Variants in PLEKHA4 observed in about 807,000 individuals in gnomAD.
The protein encoded by PLEKHA4 is pleckstrin homology domain containing A4, also known as pleckstrin homology domain-containing family A member 4.
In PLEKHA4, 73 loss-of-function variants were observed where a neutral mutation model predicts 94.7. The ratio of observed to expected loss-of-function variants is 0.77; its 90% confidence interval spans 0.64 to 0.94. The LOEUF is 0.94. Among genes scored for constraint, PLEKHA4 ranks in the 40% least tolerant of loss-of-function variants. The pLI is 0.00. For missense variants in PLEKHA4, 1,049 were observed against 1,054.1 expected, an observed-to-expected ratio of 1.00 and a Z score of 0.07; for synonymous variants, 449 against 437.1, an observed-to-expected ratio of 1.03 and a Z score of -0.34.
Position 48,842,990 on chromosome 19 carries a change from G to A in PLEKHA4, c.1744-1680C>T, listed in dbSNP as rs542323672. Among the ~76,000 whole-genome samples the A allele has an allele frequency of 1.5e-4, 23 of 152,254 alleles. No homozygotes were observed. In the East Asian group the frequency reaches 4.2e-3, roughly 28 times the overall value. ...TGGCAGCCCCTGAAACCACCCGGTT[G>A]GGGTGAGGGAGGAGCATGTCCCAAG... On this transcript the variant is annotated intron_variant, in intron 16 of 19. Transcript: ENST00000263265.
chr19:48,861,780 G>C, intron 3 of PLEKHA4, 88 bp from the exon 4 acceptor site: 6 of 1,208,950 alleles, frequency 5.0e-6, no homozygotes, highest in Non-Finnish European at 7.2e-6. Flanking sequence ...GAGAGCCAGA[G>C]AGAGAAAGAA....
intron 6 of PLEKHA4, 199 bp downstream of exon 6, chr19:48,860,151 G>A: frequency 6.7e-6 from 4 of 595,412 alleles, no homozygotes; most frequent in Non-Finnish European, 1.2e-5. Flanking sequence ...GACGGACAAG[G>A]TGGTGGGCGG....
chr19:48,853,645 G>GCCTC (rs1482600570), intron 12 of PLEKHA4, 37 bp downstream of exon 12: 1 of 1,475,880 alleles, frequency 6.8e-7, no homozygotes, highest in East Asian at 2.5e-5. Context: ...TAGTCCTGGG[G>GCCTC]CCTCCTAGGA....
intron 16 of PLEKHA4, among the ~76,000 whole-genome samples, chr19:48,842,366 G>T (rs1210208416): frequency 1.3e-5 from 2 of 151,928 alleles, no homozygotes; most frequent in Non-Finnish European, 1.5e-5. Context: ...GGCCAGGCTG[G>T]TCTTGAACTC....
Position 48,861,428 on chromosome 19 carries a change from G to A in PLEKHA4, c.339C>T (p.Ala113=). The stretch of plus-strand genomic sequence containing the variant: ...TGAAGGTGAAGCGCCGCCCTCGGGG[G>A]GCTCCCGGCCCATCTGGTCTAATAT... ...SYNIRPDGPG[A]PRGRRFTFTA... Residue 113 remains alanine, a synonymous_variant, in exon 5 of 20, where the codon GCC becomes GCT. Coordinates refer to ENST00000263265, the MANE Select transcript of PLEKHA4 (RefSeq NM_020904.3). 6.2e-7 allele frequency: 1 copy of A among 1,613,908 alleles called. No homozygotes were observed. Among genetic ancestry groups the A allele is most frequent in the Non-Finnish European group, 8.5e-7 (1 of 1,180,028 alleles).
At chr19:48,843,933 C>T (rs969196750) in intron 16 of PLEKHA4, among the ~76,000 whole-genome samples, 2 of 151,774 alleles carry the variant, frequency 1.3e-5, no homozygotes, top group African/African-American at 4.8e-5. Context: ...GCTGGGATTA[C>T]AGGTGTGAGC....
intron 6 of PLEKHA4, 101 bp from the exon 7 acceptor site, chr19:48,859,785 A>T: frequency 9.3e-7 from 1 of 1,069,934 alleles, no homozygotes; most frequent in Non-Finnish European, 1.4e-6. Context: ...AAAAAAGGAA[A>T]GTTGTGCACT....
rs1289385204 is a variant in PLEKHA4 at position 48,852,295 on chromosome 19, C to A, written c.1358G>T (p.Gly453Val). ...TAAGGTGCCCAGCTCCTGCTCCAGGCCACTGTACGTGTCCCAAACCCTCTC... is the reference window on the plus strand; with the variant it reads ...TAAGGTGCCCAGCTCCTGCTCCAGGACACTGTACGTGTCCCAAACCCTCTC... ...ERERVWDTYS[G>V]LEQELGTLRE... The change falls in exon 13 of 20, where the codon GGC (glycine) becomes GTC (valine). Residue 453 changes from glycine to valine, a missense_variant. Coordinates refer to ENST00000263265, the MANE Select transcript of PLEKHA4 (RefSeq NM_020904.3). 6.2e-7 allele frequency: 1 copy of A among 1,614,086 alleles called. No individual in the cohort carries two copies. Among genetic ancestry groups the A allele is most frequent in the Admixed American group, 1.7e-5 (1 of 59,990 alleles).
chr19:48,866,885 C>G (rs1000371263), intron 2 of PLEKHA4, among the ~76,000 whole-genome samples: 1 of 152,152 alleles, frequency 6.6e-6, no homozygotes, highest in African/African-American at 2.4e-5. Flanking sequence ...GAGGAAGCCT[C>G]AAATCCCTCC....
Position 48,845,514 on chromosome 19 carries a change from C to T in PLEKHA4, c.1666+3G>A, listed in dbSNP as rs199687390. On this transcript the variant is annotated splice_donor_region_variant and intron_variant, in intron 15 of 19. Transcript: ENST00000263265. The stretch of plus-strand genomic sequence containing the variant: ...TAAAGTCCCACCCAACCAGGATGCT[C>T]ACCTAAGTGAGGGCTGGCGAGGTCT... The T allele has an allele frequency of 3.1e-6, 5 of 1,612,676 alleles. No homozygotes were observed. Among genetic ancestry groups the T allele is most frequent in the Middle Eastern group, 3.3e-4 (2 of 6,078 alleles).
chr19:48,841,363 C>T, intron 16 of PLEKHA4, 53 bp from the exon 17 acceptor site: 2 of 1,524,450 alleles, frequency 1.3e-6, no homozygotes, highest in Middle Eastern at 2.3e-4. Context: ...GGCACAGTGG[C>T]TCGTGTAATC....
rs2123205397 is a variant in PLEKHA4 at position 48,867,154 on chromosome 19, A to C, written c.84+383T>G. ...GCCCCTTGGGTCTTATTGTCAGAGA[A>C]GGGTCTCTCCTTATAGGATTTCATT... On this transcript the variant is annotated intron_variant, in intron 2 of 19. Coordinates refer to ENST00000263265, the MANE Select transcript of PLEKHA4 (RefSeq NM_020904.3). The surrounding 1 kb of genome is among the most constrained non-coding windows in gnomAD (Gnocchi z 4.7). Among the ~76,000 whole-genome samples the C allele has an allele frequency of 6.6e-6, 1 of 152,230 alleles. No homozygotes were observed. Among genetic ancestry groups the C allele is most frequent in the African/African-American group, 2.4e-5 (1 of 41,540 alleles).
chr19:48,837,306 G>T lies in PLEKHA4; in HGVS notation c.2323C>A (p.Leu775Ile), dbSNP rs759722349. 1 of 1,613,892 alleles carries T rather than the reference G, an allele frequency of 6.2e-7. No homozygotes were observed. Among genetic ancestry groups the T allele is most frequent in the Non-Finnish European group, 8.5e-7 (1 of 1,180,036 alleles). The change falls in exon 20 of 20, where the codon CTA becomes ATA. Residue 775 changes from leucine to isoleucine, a missense_variant. Coordinates refer to ENST00000263265, the MANE Select transcript of PLEKHA4 (RefSeq NM_020904.3). The surrounding 1 kb of genome is among the most constrained non-coding windows in gnomAD (Gnocchi z 4.3). ...EGAWPLRVTLLQSSF is the reference protein window; with the variant it reads ...EGAWPLRVTLIQSSF ...TGGGCGGATTAGAAGCTGGATTGTA[G>T]CAGAGTGACTCGCAGAGGCCATGCC... is the stretch of plus-strand genomic sequence containing the variant.
At chr19:48,863,859 A>G (rs1165230552) in intron 3 of PLEKHA4, among the ~76,000 whole-genome samples, 1 of 152,220 alleles carries the variant, frequency 6.6e-6, no homozygotes, top group African/African-American at 2.4e-5. Context: ...GGCGTCAGCC[A>G]TCGTGCCCAG....
Position 48,860,425 on chromosome 19 carries a change from GC to G in PLEKHA4, c.400del (p.Ala134ProfsTer5). 6.2e-7 allele frequency: 1 copy of G among 1,614,100 alleles called. No homozygotes were observed. On this transcript the variant is annotated frameshift_variant, in exon 6 of 20. Coordinates refer to ENST00000263265, the MANE Select transcript of PLEKHA4 (RefSeq NM_020904.3). LOFTEE classifies it high-confidence loss of function. ...CCGCAGGTCTTCTAAGGTGTCAGCG[GC>G]CAAAACGTAGGTCCTCATGCCCGGG... is the stretch of plus-strand genomic sequence containing the variant. ...EHPGMRTYVL[A>X]ADTLEDLRGW...
chr19:48,849,395 G>C (rs764822532), intron 13 of PLEKHA4, among the ~76,000 whole-genome samples: 21 of 151,556 alleles, frequency 1.4e-4, no homozygotes, highest in Non-Finnish European at 5.9e-5. Flanking sequence ...TGCAACCTCC[G>C]CCTCCCGGGT....
In PLEKHA4 at chr19:48,845,354, T is replaced by C. The variant is rs753286502; in HGVS notation, c.1743+16A>G. ...ATGGTCAGATGCAAGGATTACAGGATGGACCTACAGCTTACCTTGGTTCCT... is the reference window on the plus strand; with the variant it reads ...ATGGTCAGATGCAAGGATTACAGGACGGACCTACAGCTTACCTTGGTTCCT... On this transcript the variant is annotated intron_variant, in intron 16 of 19. Coordinates refer to ENST00000263265, the MANE Select transcript of PLEKHA4 (RefSeq NM_020904.3). 2.7e-5 allele frequency: 43 copies of C among 1,610,224 alleles called. No homozygotes were observed. The highest frequency in any genetic ancestry group is 6.7e-5 in the African/African-American group (5 of 74,830).
intron 6 of PLEKHA4, chr19:48,860,090 A>C (rs993365678): frequency 3.5e-6 from 2 of 576,166 alleles, no homozygotes; most frequent in Admixed American, 3.1e-5. Context: ...AATATTGATC[A>C]TTCCTGGAGC....
rs1291766450 is a variant in PLEKHA4, at chr19:48,860,343, T to A, written c.476+7A>T. 6.2e-7 allele frequency: 1 copy of A among 1,610,576 alleles called. No homozygotes were observed. Among genetic ancestry groups the A allele is most frequent in the African/African-American group, 1.3e-5 (1 of 74,962 alleles). On this transcript the variant is annotated splice_region_variant and intron_variant, in intron 6 of 19. Coordinates refer to ENST00000263265, the MANE Select transcript of PLEKHA4 (RefSeq NM_020904.3). Reference sequence around the variant, plus strand: ...GGGTCAGGAGCATGGCTTGGACCTCTACTCACTAGTCGTCCCCCTCCGCAC... The same window carrying A: ...GGGTCAGGAGCATGGCTTGGACCTCAACTCACTAGTCGTCCCCCTCCGCAC...
Sources: gnomAD v4.1 joint callset for allele counts (sites outside exome capture counted in the v4.1 genomes callset) on GRCh38, gnomAD v4.1.1 for gene constraint, Gnocchi (gnomAD v3.1) non-coding constraint, MANE v1.5 for transcripts, NCBI Gene and HGNC (gene_info 2026-07-23, HGNC 2026-07-21) for gene names.